Variants in THADA observed in about 807,000 individuals in gnomAD.
The protein encoded by THADA is THADA armadillo repeat containing, also known as tRNA (32-2'-O)-methyltransferase regulator THADA.
A neutral mutation model predicts 219.8 loss-of-function variants in THADA; 213 were observed. That is an observed-to-expected ratio of 0.97 (90% CI 0.87 to 1.09). The LOEUF (loss-of-function observed/expected upper bound fraction) is 1.09, where lower values mean the gene tolerates loss of function less well. Among genes scored for constraint, THADA ranks in the 50% least tolerant of loss-of-function variants. The pLI, the probability that THADA is intolerant of heterozygous loss-of-function variation, is 0.00. For missense variants in THADA, 2,956 were observed against 2,311.3 expected (o/e 1.28, Z -5.72); for synonymous variants, 1,018 against 828.9 (o/e 1.23, Z -3.92).
intron 29 of THADA, among the ~76,000 whole-genome samples, chr2:43,348,493 G>A (rs1373697217): frequency 2.0e-5 from 3 of 152,198 alleles, no homozygotes; most frequent in Non-Finnish European, 4.4e-5. Flanking sequence ...GAGCCCCTGT[G>A]TTTATACTCA....
intron 23 of THADA, among the ~76,000 whole-genome samples, 165 bp downstream of exon 23, chr2:43,508,483 G>A (rs1573994253): frequency 6.6e-6 from 1 of 151,946 alleles, no homozygotes; most frequent in Non-Finnish European, 1.5e-5. Flanking sequence ...CTTGTCACAG[G>A]AACACACCAT....
chr2:43,260,930 C>T (rs1670859462), intron 36 of THADA, among the ~76,000 whole-genome samples: 1 of 152,124 alleles, frequency 6.6e-6, no homozygotes, highest in African/African-American at 2.4e-5. Flanking sequence ...CTTTGGTTGG[C>T]TTGACCTTTT....
At chr2:43,481,729 T>C (rs770449975) in intron 26 of THADA, among the ~76,000 whole-genome samples, 4 of 152,214 alleles carry the variant, frequency 2.6e-5, no homozygotes, top group African/African-American at 4.8e-5. Context: ...TCCCCTATTA[T>C]GTTAATACTG....
At chr2:43,515,096 T>A (rs1174596108) in intron 22 of THADA, among the ~76,000 whole-genome samples, 1 of 24,672 alleles carries the variant, frequency 4.1e-5, no homozygotes, top group Non-Finnish European at 7.0e-5. Context: ...ATATATATAT[T>A]ATATATAATA....
intron 36 of THADA, among the ~76,000 whole-genome samples, chr2:43,262,560 A>G (rs1362235846): frequency 1.3e-5 from 2 of 152,260 alleles, no homozygotes; most frequent in Non-Finnish European, 2.9e-5. Context: ...CTTTTCTGTC[A>G]CATGTAGACA....
chr2:43,544,091 GC>G (rs1260839940), intron 20 of THADA, among the ~76,000 whole-genome samples: 5 of 152,090 alleles, frequency 3.3e-5, no homozygotes, highest in Admixed American at 3.3e-4. Flanking sequence ...TCTACATATG[GC>G]TAGCCTGTTT....
chr2:43,465,233 CA>C (rs1306854710), intron 26 of THADA, among the ~76,000 whole-genome samples: 2 of 152,160 alleles, frequency 1.3e-5, no homozygotes, highest in Non-Finnish European at 2.9e-5. Context: ...ATCTCCAAAA[CA>C]ATTTCTTAAT....
chr2:43,367,280 C>T (rs577020843), intron 29 of THADA, among the ~76,000 whole-genome samples: 2 of 152,274 alleles, frequency 1.3e-5, no homozygotes, highest in South Asian at 4.1e-4. Flanking sequence ...GACCACACAA[C>T]ATTACTAAAC....
At chr2:43,267,500 T>TAAA (rs1671654222) in intron 36 of THADA, among the ~76,000 whole-genome samples, 1 of 152,228 alleles carries the variant, frequency 6.6e-6, no homozygotes. Flanking sequence ...ATGGGCTTTT[T>TAAA]AGCTAAGCGT....
intron 29 of THADA, among the ~76,000 whole-genome samples, chr2:43,396,960 T>C (rs937068092): frequency 6.6e-6 from 1 of 152,216 alleles, no homozygotes; most frequent in Non-Finnish European, 1.5e-5. Context: ...TGTCTATATA[T>C]CTTGTGGTGT....
intron 29 of THADA, among the ~76,000 whole-genome samples, chr2:43,381,097 CAA>C (rs58711910): frequency 5.7e-4 from 31 of 54,394 alleles, no homozygotes; most frequent in South Asian, 8.3e-4. Flanking sequence ...GAGACTTTGT[CAA>C]AAAAAAAAAA....
chr2:43,535,661 G>A (rs1489895894), intron 21 of THADA, among the ~76,000 whole-genome samples: 4 of 103,856 alleles, frequency 3.9e-5, no homozygotes, highest in Non-Finnish European at 6.9e-5. Flanking sequence ...AAGCCTGGGC[G>A]ACACAGCGAG....
chr2:43,519,051 T>C lies in THADA; in HGVS notation c.3374+8828A>G, dbSNP rs542141352. 1.8e-4 allele frequency among the ~76,000 whole-genome samples: 28 copies of C among 152,060 alleles called. No homozygotes were observed. The East Asian group carries it at 5.0e-3, about 27-fold the overall frequency. On this transcript the variant is annotated intron_variant, in intron 22 of 37. Transcript: ENST00000405975. The stretch of plus-strand genomic sequence containing the variant: ...TCCTGCTTGCCTTGCTTTTTGCCAA[T>C]GTTATTGGCATTAATTATTCTTCTC...
At chr2:43,506,003 A>C (rs1376855702) in intron 23 of THADA, among the ~76,000 whole-genome samples, 1 of 152,246 alleles carries the variant, frequency 6.6e-6, no homozygotes, top group Non-Finnish European at 1.5e-5. Context: ...TAATTCTAAA[A>C]GGCCAAAAAA....
At chr2:43,260,429 T>C (rs559928376) in intron 36 of THADA, among the ~76,000 whole-genome samples, 66 of 152,356 alleles carry the variant, frequency 4.3e-4, no homozygotes, top group Middle Eastern at 6.8e-3. Context: ...TACCTATTTT[T>C]AAAGACTTCC....
intron 26 of THADA, among the ~76,000 whole-genome samples, chr2:43,473,496 T>C (rs891025895): frequency 1.3e-5 from 2 of 152,160 alleles, no homozygotes; most frequent in Non-Finnish European, 2.9e-5. Context: ...AACTTTTTTT[T>C]TAATAAGTAG....
At chr2:43,522,877 C>T (rs1205832713) in intron 22 of THADA, among the ~76,000 whole-genome samples, 6 of 151,782 alleles carry the variant, frequency 4.0e-5, no homozygotes, top group South Asian at 2.1e-4. Context: ...GGCAAGATCG[C>T]GCCACTGCAG....
chr2:43,430,774 G>A, intron 26 of THADA: 1 of 323,714 alleles, frequency 3.1e-6, no homozygotes, highest in Non-Finnish European at 6.5e-6. Flanking sequence ...GGGATGTTTA[G>A]CAGCCTCCGT....
At chr2:43,354,499 T>C (rs986758746) in intron 29 of THADA, among the ~76,000 whole-genome samples, 6 of 152,028 alleles carry the variant, frequency 3.9e-5, no homozygotes, top group Admixed American at 3.9e-4. Flanking sequence ...ACCCATTAAC[T>C]ATCCCCCTTT....
Sources: gnomAD v4.1 joint callset for allele counts (sites outside exome capture counted in the v4.1 genomes callset) on GRCh38, gnomAD v4.1.1 for gene constraint, MANE v1.5 for transcripts, NCBI Gene and HGNC (gene_info 2026-07-23, HGNC 2026-07-21) for gene names.